GPR158: variants seen among roughly 807,000 people sequenced by gnomAD.
The protein encoded by GPR158 is metabotropic glycine receptor.
GPR158 carries 30 observed loss-of-function variants against 78.2 expected under a neutral mutation model. The ratio of observed to expected loss-of-function variants is 0.38; its 90% confidence interval spans 0.29 to 0.52. The LOEUF (loss-of-function observed/expected upper bound fraction) is 0.52, where lower values mean the gene tolerates loss of function less well. Ranked by LOEUF, GPR158 falls within the 20% of genes least tolerant of loss-of-function variation. The pLI is 0.83. For missense variants in GPR158, 1,463 were observed against 1,523.5 expected (o/e 0.96, Z 0.66); for synonymous variants, 581 against 591.1 (o/e 0.98, Z 0.25).
chr10:25,238,513 TA>T (rs1236058791), intron 2 of GPR158, among the ~76,000 whole-genome samples: 1 of 152,230 alleles, frequency 6.6e-6, no homozygotes, highest in African/African-American at 2.4e-5. Flanking sequence ...GTTTTTAATT[TA>T]AACTAGAATG....
At chr10:25,559,449 G>A (rs954403198) in intron 6 of GPR158, among the ~76,000 whole-genome samples, 1 of 152,124 alleles carries the variant, frequency 6.6e-6, no homozygotes, top group African/African-American at 2.4e-5. Flanking sequence ...TTTAAAAGCT[G>A]GGTTATTTTA....
rs1366915807 is a variant in GPR158 at position 25,601,667 on chromosome 10, A to T, written c.*2393A>T. 1 of 152,636 alleles carries T rather than the reference A, an allele frequency of 6.6e-6. No homozygotes were observed. Among genetic ancestry groups the T allele is most frequent in the Non-Finnish European group, 1.5e-5 (1 of 68,040 alleles). The allele number at this position is 152,636 out of a possible 1,614,324, so 9.5% of individuals were successfully genotyped here. ...GAGTCTTTCTGAGAGTTTCATTGCC[A>T]TTATCAACAAGAGAAGTTGAAATTT... is the stretch of plus-strand genomic sequence containing the variant. On this transcript the variant is annotated 3_prime_UTR_variant, in exon 11 of 11. Transcript: ENST00000376351.
At chr10:25,290,117 C>G (rs1187712792) in intron 2 of GPR158, among the ~76,000 whole-genome samples, 1 of 152,152 alleles carries the variant, frequency 6.6e-6, no homozygotes, top group Non-Finnish European at 1.5e-5. Flanking sequence ...GTAGGATTGA[C>G]TAGCATTATA....
intron 5 of GPR158, among the ~76,000 whole-genome samples, chr10:25,546,915 A>G (rs1836668708): frequency 6.6e-6 from 1 of 152,204 alleles, no homozygotes; most frequent in African/African-American, 2.4e-5. Context: ...CAAGGACCGC[A>G]GGGATCAGAT....
chr10:25,511,403 T>C (rs1458310730), intron 5 of GPR158, among the ~76,000 whole-genome samples: 1 of 152,150 alleles, frequency 6.6e-6, no homozygotes, highest in Non-Finnish European at 1.5e-5. Flanking sequence ...TTTGTTTTAC[T>C]CTTGCTGATT....
At chr10:25,507,902 TTA>T (rs1836034403) in intron 5 of GPR158, among the ~76,000 whole-genome samples, 1 of 152,206 alleles carries the variant, frequency 6.6e-6, no homozygotes, top group African/African-American at 2.4e-5. Context: ...AATACTAAAG[TTA>T]TATTCCATAA....
intron 4 of GPR158, among the ~76,000 whole-genome samples, chr10:25,435,057 T>C (rs1834981142): frequency 6.6e-6 from 1 of 152,182 alleles, no homozygotes; most frequent in South Asian, 2.1e-4. Context: ...AGATAAATTG[T>C]TGAGCTATCT....
At chr10:25,514,957 C>T (rs184503302) in intron 5 of GPR158, among the ~76,000 whole-genome samples, 8 of 152,128 alleles carry the variant, frequency 5.3e-5, no homozygotes, top group African/African-American at 1.7e-4. Context: ...TTTTTTCCTT[C>T]ATCTTGACTT....
At chr10:25,468,283 G>T (rs1220914742) in intron 5 of GPR158, among the ~76,000 whole-genome samples, 1 of 151,968 alleles carries the variant, frequency 6.6e-6, no homozygotes, top group African/African-American at 2.4e-5. Context: ...TTTTTCAGGG[G>T]CTCCCCACTC....
At chr10:25,371,866 T>G (rs1379861059) in intron 2 of GPR158, among the ~76,000 whole-genome samples, 1 of 129,592 alleles carries the variant, frequency 7.7e-6, no homozygotes, top group Non-Finnish European at 1.7e-5. Flanking sequence ...GGGATCTAAT[T>G]AAACTAAAGA....
chr10:25,434,816 A>G (rs543744397), intron 4 of GPR158, among the ~76,000 whole-genome samples: 13 of 152,264 alleles, frequency 8.5e-5, no homozygotes, highest in Non-Finnish European at 1.8e-4. Context: ...TAAGGGAGAT[A>G]ATAATAAACC....
intron 5 of GPR158, among the ~76,000 whole-genome samples, chr10:25,492,858 T>G (rs1835828751): frequency 6.7e-6 from 1 of 148,524 alleles, no homozygotes; most frequent in East Asian, 1.9e-4. Flanking sequence ...TTTTAATATT[T>G]TAATATTAAT....
At chr10:25,182,997 G>A (rs571414056) in intron 1 of GPR158, among the ~76,000 whole-genome samples, 1 of 152,326 alleles carries the variant, frequency 6.6e-6, no homozygotes, top group South Asian at 2.1e-4. Flanking sequence ...GCAGCCAGCA[G>A]CGTTGTGAAG....
intron 1 of GPR158, among the ~76,000 whole-genome samples, chr10:25,181,482 C>G (rs1852610152): frequency 6.6e-6 from 1 of 152,118 alleles, no homozygotes; most frequent in East Asian, 1.9e-4. Flanking sequence ...AGTTTTGTTT[C>G]TAATCATTAT....
intron 2 of GPR158, among the ~76,000 whole-genome samples, chr10:25,291,105 T>C (rs1256795306): frequency 6.6e-6 from 1 of 152,060 alleles, no homozygotes; most frequent in East Asian, 1.9e-4. Context: ...TTTTGTATTG[T>C]GAATTGCCAT....
intron 9 of GPR158, 104 bp from the exon 10 acceptor site, chr10:25,596,539 A>C: frequency 2.8e-6 from 2 of 723,506 alleles, no homozygotes; most frequent in Non-Finnish European, 2.4e-6. Flanking sequence ...AGATCTAGGT[A>C]TAGATATAGA....
intron 1 of GPR158, among the ~76,000 whole-genome samples, chr10:25,195,528 A>T (rs1852832155): frequency 6.6e-6 from 1 of 152,092 alleles, no homozygotes; most frequent in Non-Finnish European, 1.5e-5. Context: ...TAAATCAATC[A>T]TTCCATTTGT....
intron 2 of GPR158, among the ~76,000 whole-genome samples, chr10:25,290,305 T>C (rs972175998): frequency 2.0e-5 from 3 of 152,234 alleles, no homozygotes; most frequent in Non-Finnish European, 4.4e-5. Flanking sequence ...GCTAGCCTCT[T>C]GTATAATGCC....
At chr10:25,597,251 C>G (rs1588929715) in intron 10 of GPR158, among the ~76,000 whole-genome samples, 1 of 152,358 alleles carries the variant, frequency 6.6e-6, no homozygotes, top group South Asian at 2.1e-4. Flanking sequence ...CTATTACCCT[C>G]TAAGCCTAAT....
Sources: allele counts gnomAD v4.1 joint callset (sites outside exome capture counted in the v4.1 genomes callset), GRCh38; gene constraint gnomAD v4.1.1; transcripts MANE v1.5; gene names NCBI Gene and HGNC (gene_info 2026-07-23, HGNC 2026-07-21).